Variants in FAM184A observed in about 807,000 individuals in gnomAD.
The protein encoded by FAM184A is family with sequence similarity 184 member A.
Under a neutral mutation model 143.8 loss-of-function variants are expected in FAM184A, and 99 were observed. The ratio of observed to expected loss-of-function variants is 0.69; its 90% CI spans 0.58 to 0.81. The LOEUF (loss-of-function observed/expected upper bound fraction) is 0.81. Among genes scored for constraint, FAM184A ranks in the 40% least tolerant of loss-of-function variants. The probability of loss-of-function intolerance (pLI) is 0.00; values close to 1 mark genes in which losing one functional copy is unlikely to be tolerated. For synonymous variants in FAM184A, 427 were observed against 446.4 expected (o/e 0.96, Z 0.55); for missense variants, 1,217 against 1,310.5 (o/e 0.93, Z 1.10).
intron 1 of FAM184A, among the ~76,000 whole-genome samples, chr6:119,106,087 A>G (rs1788769086): frequency 6.6e-6 from 1 of 152,118 alleles, no homozygotes; most frequent in Non-Finnish European, 1.5e-5. Flanking sequence ...AGGAAAAGAA[A>G]TGCTATTAAA....
intron 1 of FAM184A, among the ~76,000 whole-genome samples, chr6:119,126,447 G>T (rs538128263): frequency 6.6e-6 from 1 of 152,308 alleles, no homozygotes; most frequent in African/African-American, 2.4e-5. Flanking sequence ...AGCTGCTTTG[G>T]CTGGCTTCAC....
At chr6:119,094,561 A>C (rs913143017) in intron 1 of FAM184A, among the ~76,000 whole-genome samples, 1 of 152,154 alleles carries the variant, frequency 6.6e-6, no homozygotes, top group African/African-American at 2.4e-5. Context: ...TTTTGTTTTC[A>C]TCTGACTGGT....
rs1783808013 is a variant in FAM184A at position 118,975,141 on chromosome 6, G to A, written c.2651C>T (p.Ser884Phe). ...EELRHREHHI[S>F]ELDKEVQHLH... ...GTGCTGAACCTCCTTATCCAATTCA[G>A]AGATGTGATGCTCTCTGTGTCTTAA... The change falls in exon 13 of 18, where the codon TCT (serine) becomes TTT (phenylalanine). Residue 884 changes from serine to phenylalanine, a missense_variant. Ser to Phe is a radical substitution (Grantham distance 155). Transcript: ENST00000338891. 2 of 1,612,632 alleles carry A rather than the reference G, an allele frequency of 1.2e-6. No homozygotes were observed. The highest frequency in any genetic ancestry group is 1.7e-6 in the Non-Finnish European group (2 of 1,179,270).
At chr6:119,068,484 G>A (rs1180593272) in intron 1 of FAM184A, among the ~76,000 whole-genome samples, 2 of 152,130 alleles carry the variant, frequency 1.3e-5, no homozygotes, top group Non-Finnish European at 1.5e-5. Flanking sequence ...TATGAAGTAC[G>A]CTTTGTCATT....
intron 1 of FAM184A, chr6:119,025,380 CCTCTTCT>C (rs1472725707): frequency 2.0e-6 from 1 of 503,850 alleles, no homozygotes; most frequent in Non-Finnish European, 3.9e-6. Context: ...TAAAGCTGAT[CCTCTTCT>C]CTCTTCAAGT....
In FAM184A at chr6:119,010,002, T is replaced by C. The variant is rs147557177; in HGVS notation, c.1653+1307A>G. On this transcript the variant is annotated intron_variant, in intron 6 of 17. Coordinates refer to ENST00000338891, the MANE Select transcript of FAM184A (RefSeq NM_024581.6). ...TGCCTTCACTTTCTTGACCTTGTAT[T>C]GTACCAAGGCAGCTGCTAGGCCATG... Among the ~76,000 whole-genome samples the C allele has an allele frequency of 1.1e-3, 171 of 152,316 alleles. 1 individual carries two copies. Among genetic ancestry groups the C allele is most frequent in the African/African-American group, 3.9e-3 (164 of 41,562 alleles).
intron 1 of FAM184A, among the ~76,000 whole-genome samples, chr6:119,065,287 T>C (rs1184896489): frequency 6.6e-6 from 1 of 152,044 alleles, no homozygotes; most frequent in Non-Finnish European, 1.5e-5. Flanking sequence ...AAATAAAGTC[T>C]CCTAACAGCC....
At chr6:119,015,614 C>T (rs554442013) in intron 5 of FAM184A, among the ~76,000 whole-genome samples, 4 of 152,340 alleles carry the variant, frequency 2.6e-5, no homozygotes, top group South Asian at 2.1e-4. Flanking sequence ...CCCCCGCCTC[C>T]GTGGGTTCCT....
chr6:119,126,143 G>A (rs1357289187), intron 1 of FAM184A, among the ~76,000 whole-genome samples: 2 of 152,170 alleles, frequency 1.3e-5, no homozygotes, highest in East Asian at 1.9e-4. Flanking sequence ...TGTTCCCTGT[G>A]GTTGTAGGAC....
intron 1 of FAM184A, among the ~76,000 whole-genome samples, chr6:119,090,745 A>AT (rs1788343474): frequency 6.6e-6 from 1 of 151,910 alleles, no homozygotes; most frequent in South Asian, 2.1e-4. Flanking sequence ...CCCATTCCAG[A>AT]TTTTTTTTAC....
chr6:119,061,531 C>CTTTTTTTTTTTTTTTTTTTTTTTTTTTT (rs977029986), intron 1 of FAM184A, among the ~76,000 whole-genome samples: 3 of 58,530 alleles, frequency 5.1e-5, no homozygotes, highest in Non-Finnish European at 9.6e-5. Flanking sequence ...AATTATTTTT[C>CTTTTTTTTTTTTTTTTTTTTTTTTTTTT]TTTTTTTTTT....
intron 1 of FAM184A, among the ~76,000 whole-genome samples, chr6:119,145,457 A>C (rs1748381378): frequency 6.6e-6 from 1 of 152,144 alleles, no homozygotes; most frequent in Non-Finnish European, 1.5e-5. Flanking sequence ...TGACTCAGTG[A>C]GTGCCAGGAA....
At chr6:119,023,555 GC>G (rs1299560319) in intron 2 of FAM184A, among the ~76,000 whole-genome samples, 6 of 6,722 alleles carry the variant, frequency 8.9e-4, no homozygotes, top group East Asian at 7.4e-3. Flanking sequence ...AATATTGTCC[GC>G]CCCCCCCCCC....
Position 119,078,331 on chromosome 6 carries a change from C to A in FAM184A, c.-32G>T. On this transcript the variant is annotated 5_prime_UTR_variant, in exon 1 of 18. Transcript: ENST00000338891. This position sits in a 1 kb window ranked among gnomAD's most constrained non-coding sequence, Gnocchi z 5.5. ...AACAGACCCCAGCCGGGGCACCTGT[C>A]CCCGCGGGTGGAGGCAGGCCCGTGG... The A allele has an allele frequency of 1.4e-6, 2 of 1,422,248 alleles. No individual in the cohort carries two copies. Among genetic ancestry groups the A allele is most frequent in the African/African-American group, 1.5e-5 (1 of 66,742 alleles). The allele number at this position is 1,422,248 out of a possible 1,614,324, so 88.1% of individuals were successfully genotyped here.
In FAM184A at chr6:119,020,104, A is replaced by G; in HGVS notation, c.1206T>C (p.Asp402=). The G allele has an allele frequency of 6.2e-7, 1 of 1,609,234 alleles. No individual in the cohort carries two copies. The highest frequency in any genetic ancestry group is 1.7e-4 in the Middle Eastern group (1 of 6,022). The change falls in exon 4 of 18, where the codon GAT becomes GAC. Residue 402 remains aspartate, a synonymous_variant. Transcript: ENST00000338891. Reference sequence around the variant, plus strand: ...TGACTCTCGATTTTTCTGATTCTAAATCTTTAATTGTAACTTCCTGGGTCA... The same window carrying G: ...TGACTCTCGATTTTTCTGATTCTAAGTCTTTAATTGTAACTTCCTGGGTCA... The part of the protein sequence containing the change: ...TQMTQEVTIK[D]LESEKSRVNE...
chr6:119,050,462 T>G (rs67320468), intron 1 of FAM184A, among the ~76,000 whole-genome samples: 1 of 107,236 alleles, frequency 9.3e-6, no homozygotes, highest in African/African-American at 3.5e-5. Context: ...GTTTTTTTTT[T>G]AAAAAAAGGG....
At chr6:119,047,031 GA>G (rs529055134) in intron 1 of FAM184A, among the ~76,000 whole-genome samples, 14 of 136,282 alleles carry the variant, frequency 1.0e-4, no homozygotes, top group African/African-American at 3.6e-4. Context: ...AACGCTACAG[GA>G]AAAAAATCTA....
At chr6:118,970,738 GA>G (rs1783670790) in intron 14 of FAM184A, among the ~76,000 whole-genome samples, 1 of 151,962 alleles carries the variant, frequency 6.6e-6, no homozygotes, top group Non-Finnish European at 1.5e-5. Flanking sequence ...GAGAAAGGGG[GA>G]AAAAAGGAGA....
chr6:119,002,195 C>T (rs1562468224), intron 9 of FAM184A, among the ~76,000 whole-genome samples: 2 of 152,170 alleles, frequency 1.3e-5, no homozygotes, highest in Non-Finnish European at 2.9e-5. Context: ...TCTGGAACTA[C>T]ATTATTGAGC....
Sources: gnomAD v4.1 joint callset for allele counts (sites outside exome capture counted in the v4.1 genomes callset) on GRCh38, gnomAD v4.1.1 for gene constraint, Gnocchi (gnomAD v3.1) non-coding constraint, MANE v1.5 for transcripts, NCBI Gene and HGNC (gene_info 2026-07-23, HGNC 2026-07-21) for gene names.